Variants in DAPK1 observed in about 807,000 individuals in gnomAD.
The protein encoded by DAPK1 is death-associated protein kinase 1.
Under a neutral mutation model 144.9 loss-of-function variants are expected in DAPK1, and 56 were observed. The observed-to-expected ratio is 0.39, with a 90% CI of 0.31 to 0.48. The LOEUF (loss-of-function observed/expected upper bound fraction) is 0.48. DAPK1 is among the 20% of genes least tolerant of loss of function. DAPK1 has a pLI of 0.95. For synonymous variants in DAPK1, 690 were observed against 749.0 expected, an observed-to-expected ratio of 0.92 and a Z score of 1.29; for missense variants, 1,454 against 1,875.4, an observed-to-expected ratio of 0.78 and a Z score of 4.15.
intron 9 of DAPK1, 127 bp downstream of exon 9, chr9:87,640,974 C>A: frequency 1.1e-6 from 1 of 913,556 alleles, no homozygotes; most frequent in Non-Finnish European, 1.8e-6. Flanking sequence ...TTGCTATTTG[C>A]ATCGTATCTT....
intron 11 of DAPK1, 41 bp downstream of exon 11, chr9:87,643,509 T>G: frequency 8.0e-7 from 1 of 1,243,230 alleles, no homozygotes; most frequent in Non-Finnish European, 1.2e-6. Context: ...TTCTTAGCAC[T>G]GGGTACTCAG....
intron 17 of DAPK1, chr9:87,657,461 G>C (rs546196884): frequency 6.3e-6 from 1 of 158,344 alleles, no homozygotes; most frequent in African/African-American, 2.4e-5. Context: ...GGGTGGTGCA[G>C]TCTAATGATG....
chr9:87,639,014 A>G (rs1470954787), intron 4 of DAPK1, among the ~76,000 whole-genome samples: 1 of 152,180 alleles, frequency 6.6e-6, no homozygotes, highest in Non-Finnish European at 1.5e-5. Context: ...TACAATTGGA[A>G]TAACACTGAG....
intron 2 of DAPK1, among the ~76,000 whole-genome samples, chr9:87,549,314 C>A (rs1243358293): frequency 6.6e-6 from 1 of 152,136 alleles, no homozygotes; most frequent in Non-Finnish European, 1.5e-5. Flanking sequence ...TGTATATGTA[C>A]CACATTTTCT....
In DAPK1 at chr9:87,650,113, G is replaced by A. The variant is rs750216138; in HGVS notation, c.1621G>A (p.Asp541Asn). The change falls in exon 16 of 26, where the codon GAC becomes AAC. Residue 541 changes from aspartate to asparagine, a missense_variant. By Grantham distance (23) the Asp-to-Asn change is conservative (BLOSUM62 1). This residue lies in a region of DAPK1 where 1,025 missense variants were observed against 1,237.9 expected (regional missense o/e 0.83). Transcript: ENST00000408954. The part of the protein sequence containing the change: ...AEHGADLNAC[D>N]KDGHIALHLA... ...ACATGGAGCCGACCTTAATGCTTGC[G>A]ACAAGGTGCCTTATGGGGGAAGACT... The A allele has an allele frequency of 1.2e-5, 19 of 1,613,868 alleles. No homozygotes were observed. The highest frequency in any genetic ancestry group is 1.7e-5 in the Admixed American group (1 of 59,994).
At position 87,633,074 on chromosome 9, in the gene DAPK1, AAT is replaced by A. The variant is rs1484331733; in HGVS notation, c.285-4862_285-4861del. On this transcript the variant is annotated intron_variant, in intron 3 of 25. Transcript: ENST00000408954. The stretch of plus-strand genomic sequence containing the variant: ...TATATATGTAAGATGAAGGAAGATG[AAT>A]ATATATGTAGGAATGAAGGAGGATG... 3 of 979,316 alleles carry A rather than the reference AAT, an allele frequency of 3.1e-6. No homozygotes were observed. In the African/African-American group the frequency reaches 5.3e-5, roughly 17 times the overall value. The allele number at this position is 979,316 out of a possible 1,614,324, so 60.7% of individuals were successfully genotyped here. A position where few individuals can be genotyped will look rare whatever the true frequency, so the allele number is the denominator to read the frequency against.
chr9:87,643,532 G>T (rs1830168174), intron 11 of DAPK1, 64 bp downstream of exon 11: 2 of 1,059,588 alleles, frequency 1.9e-6, no homozygotes, highest in African/African-American at 1.6e-5. Flanking sequence ...TGACCAAGCT[G>T]TTCTATTTGT....
intron 9 of DAPK1, among the ~76,000 whole-genome samples, chr9:87,641,073 G>T (rs1830077907): frequency 6.6e-6 from 1 of 152,148 alleles, no homozygotes; most frequent in Non-Finnish European, 1.5e-5. Context: ...ACTGAAGAAG[G>T]TCAAGCCCAC....
intron 2 of DAPK1, among the ~76,000 whole-genome samples, chr9:87,584,276 CTT>C (rs1306415048): frequency 2.0e-5 from 3 of 152,156 alleles, no homozygotes; most frequent in Non-Finnish European, 4.4e-5. Flanking sequence ...AAATAGCTCT[CTT>C]GAACTCATTT....
chr9:87,647,700 C>G (rs138906941), intron 14 of DAPK1, among the ~76,000 whole-genome samples: 1 of 152,170 alleles, frequency 6.6e-6, no homozygotes, highest in Admixed American at 6.5e-5. Flanking sequence ...ACCTCGGTCT[C>G]GATTCGATTT....
At chr9:87,609,369 G>C (rs1164800961) in intron 3 of DAPK1, among the ~76,000 whole-genome samples, 2 of 152,158 alleles carry the variant, frequency 1.3e-5, no homozygotes, top group Non-Finnish European at 2.9e-5. Flanking sequence ...TGTTTCTCTG[G>C]AGAACCCTGA....
chr9:87,650,327 A>C, intron 16 of DAPK1: 1 of 547,340 alleles, frequency 1.8e-6, no homozygotes, highest in Admixed American at 3.4e-5. Flanking sequence ...AACAAAATTC[A>C]TGAGTTGATC....
intron 2 of DAPK1, among the ~76,000 whole-genome samples, chr9:87,508,808 C>T (rs1409347578): frequency 3.3e-5 from 5 of 152,102 alleles, no homozygotes; most frequent in Non-Finnish European, 7.4e-5. Flanking sequence ...GTCTGTCTGC[C>T]TAGCACCTCA....
At chr9:87,675,656 C>G (rs572496505) in intron 19 of DAPK1, among the ~76,000 whole-genome samples, 3 of 151,822 alleles carry the variant, frequency 2.0e-5, no homozygotes, top group Non-Finnish European at 4.4e-5. Flanking sequence ...GCCTCAGGGT[C>G]AGGATGGGGA....
chr9:87,521,168 G>C (rs924904894), intron 2 of DAPK1, among the ~76,000 whole-genome samples: 2 of 152,214 alleles, frequency 1.3e-5, no homozygotes, highest in African/African-American at 4.8e-5. Flanking sequence ...TAAGCTTTTG[G>C]TGTTGTTGCA....
intron 2 of DAPK1, among the ~76,000 whole-genome samples, chr9:87,580,744 C>G (rs1827725302): frequency 6.6e-6 from 1 of 152,100 alleles, no homozygotes; most frequent in Admixed American, 6.5e-5. Context: ...ATGTGATATC[C>G]CAATAGTGAT....
At chr9:87,554,787 C>G (rs1472454349) in intron 2 of DAPK1, among the ~76,000 whole-genome samples, 1 of 152,212 alleles carries the variant, frequency 6.6e-6, no homozygotes, top group African/African-American at 2.4e-5. Flanking sequence ...CTGTCTCCCA[C>G]CCAGGCCGTG....
chr9:87,644,874 T>C (rs1339923847), intron 11 of DAPK1, among the ~76,000 whole-genome samples: 1 of 152,216 alleles, frequency 6.6e-6, no homozygotes, highest in Non-Finnish European at 1.5e-5. Flanking sequence ...CTTTATTCCT[T>C]CTGTTTTCCC....
intron 3 of DAPK1, 120 bp downstream of exon 3, chr9:87,605,295 A>G (rs1054685359): frequency 5.0e-6 from 4 of 796,998 alleles, no homozygotes; most frequent in Non-Finnish European, 8.2e-6. Context: ...GTTCTGCTGT[A>G]TGAGGTGTGT....
Sources: allele counts gnomAD v4.1 joint callset (sites outside exome capture counted in the v4.1 genomes callset), GRCh38; gene constraint gnomAD v4.1.1; regional missense constraint gnomAD v4.1.1; transcripts MANE v1.5; gene names NCBI Gene and HGNC (gene_info 2026-07-23, HGNC 2026-07-21).